DCHS2: variants seen among roughly 807,000 people sequenced by gnomAD.
DCHS2 encodes the protein protocadherin-23.
A neutral mutation model predicts 182.4 loss-of-function variants in DCHS2; 142 were observed. The ratio of observed to expected loss-of-function variants is 0.78; its 90% confidence interval spans 0.68 to 0.89. The LOEUF (loss-of-function observed/expected upper bound fraction) is 0.89. Among genes scored for constraint, DCHS2 ranks in the 40% least tolerant of loss-of-function variants. DCHS2 has a pLI of 0.00. For synonymous variants in DCHS2, 1,740 were observed against 1,663.3 expected (o/e 1.05, Z -1.12); for missense variants, 4,319 against 4,198.6 (o/e 1.03, Z -0.79).
At chr4:154,380,830 T>C (rs1455551712) in intron 1 of DCHS2, among the ~76,000 whole-genome samples, 2 of 152,132 alleles carry the variant, frequency 1.3e-5, no homozygotes, top group Non-Finnish European at 2.9e-5. Context: ...CTTGAATGCC[T>C]AGAATTAATA....
intron 14 of DCHS2, among the ~76,000 whole-genome samples, chr4:154,265,160 AAATC>A (rs1733181114): frequency 6.6e-6 from 1 of 152,316 alleles, no homozygotes; most frequent in South Asian, 2.1e-4. Context: ...GCCAGACAAA[AAATC>A]AAAAGACAAA....
At chr4:154,243,552 C>T (rs1384822820) in intron 16 of DCHS2, among the ~76,000 whole-genome samples, 1 of 152,172 alleles carries the variant, frequency 6.6e-6, no homozygotes, top group East Asian at 1.9e-4. Context: ...CCATTTCACT[C>T]CTACCTTCAG....
intron 2 of DCHS2, among the ~76,000 whole-genome samples, chr4:154,375,305 GA>G (rs1400661382): frequency 5.9e-5 from 9 of 151,940 alleles, no homozygotes; most frequent in Admixed American, 3.3e-4. Flanking sequence ...GCTATAAAAG[GA>G]AGCAAACTGA....
At chr4:154,355,075 T>A (rs192164832) in intron 3 of DCHS2, among the ~76,000 whole-genome samples, 10 of 152,184 alleles carry the variant, frequency 6.6e-5, no homozygotes, top group Admixed American at 6.5e-5. Flanking sequence ...AGTGACTCCA[T>A]CTTGAATAGG....
chr4:154,485,827 T>C (rs1408356662), intron 1 of DCHS2, among the ~76,000 whole-genome samples: 1 of 152,248 alleles, frequency 6.6e-6, no homozygotes, highest in Non-Finnish European at 1.5e-5. Context: ...TAAGATCTGG[T>C]TATAAGATAA....
chr4:154,390,100 T>A (rs1038524995), intron 1 of DCHS2, among the ~76,000 whole-genome samples: 5 of 135,516 alleles, frequency 3.7e-5, no homozygotes, highest in African/African-American at 1.1e-4. Context: ...TTTATTTTTT[T>A]AAATTTTTTT....
chr4:154,461,534 AAG>A (rs1735009129), intron 1 of DCHS2, among the ~76,000 whole-genome samples: 1 of 152,196 alleles, frequency 6.6e-6, no homozygotes. Flanking sequence ...GTAGGAAAGA[AAG>A]AGAAAATATA....
At position 154,377,346 on chromosome 4, in the gene DCHS2, G is replaced by T. The variant is rs752242525; in HGVS notation, c.2151C>A (p.Ile717=). ...CACAGATTTGCCCATCATGAGGGTC[G>T]ATCCGGAATGCCTGAGGTGCTTCAT... ...LSYEAPQAFR[I]DPHDGQICVS... The change falls in exon 2 of 20, where the codon ATC becomes ATA. Residue 717 remains isoleucine, a synonymous_variant. Transcript: ENST00000357232. 4 of 1,613,616 alleles carry T rather than the reference G, an allele frequency of 2.5e-6. No homozygotes were observed. In the South Asian group the frequency reaches 3.3e-5, roughly 13 times the overall value.
intron 1 of DCHS2, among the ~76,000 whole-genome samples, chr4:154,414,451 A>G (rs1732749999): frequency 6.6e-6 from 1 of 151,142 alleles, no homozygotes; most frequent in Non-Finnish European, 1.5e-5. Context: ...AGAGTATAAT[A>G]TAAAGTGAAG....
chr4:154,275,271 A>G (rs926694062), intron 13 of DCHS2, among the ~76,000 whole-genome samples: 2 of 152,170 alleles, frequency 1.3e-5, no homozygotes, highest in Non-Finnish European at 2.9e-5. Context: ...TGTTAAGGAA[A>G]AAGAGCAAGA....
At chr4:154,332,345 T>C (rs913622321) in intron 5 of DCHS2, 133 bp downstream of exon 5, 11 of 708,610 alleles carry the variant, frequency 1.6e-5, no homozygotes, top group Non-Finnish European at 6.8e-6. Flanking sequence ...TATGCACTAA[T>C]GCTATACCTA....
chr4:154,350,863 G>T (rs1353972372), intron 3 of DCHS2, among the ~76,000 whole-genome samples: 1 of 152,098 alleles, frequency 6.6e-6, no homozygotes, highest in Non-Finnish European at 1.5e-5. Context: ...AACAGCAATA[G>T]GTTAGTGTCC....
At chr4:154,401,117 A>G (rs1410155316) in intron 1 of DCHS2, among the ~76,000 whole-genome samples, 1 of 152,202 alleles carries the variant, frequency 6.6e-6, no homozygotes. Flanking sequence ...ATCACCATAG[A>G]TTAATTTTGC....
At position 154,489,904 on chromosome 4, in the gene DCHS2, G is replaced by A. The variant is rs770299875; in HGVS notation, c.1452C>T (p.Gly484=). 7.1e-6 allele frequency: 11 copies of A among 1,539,104 alleles called. No individual in the cohort carries two copies. The highest frequency in any genetic ancestry group is 9.7e-6 in the Non-Finnish European group (11 of 1,139,350). Reference sequence around the variant, plus strand: ...CGCAAAGGAAAAATACCCCTGGGGGGCCGCCGGGTAGCAACGCGAAGTCTC... The same window carrying A: ...CGCAAAGGAAAAATACCCCTGGGGGACCGCCGGGTAGCAACGCGAAGTCTC... The part of the protein sequence containing the change: ...GEGDFALLPG[G]PPGVFFLCVE... The change falls in exon 1 of 20, where the codon GGC becomes GGT. Residue 484 remains glycine (G), a synonymous_variant. Coordinates refer to ENST00000357232, the MANE Select transcript of DCHS2 (RefSeq NM_001358235.2).
chr4:154,442,184 A>C (rs2110957904), intron 1 of DCHS2, among the ~76,000 whole-genome samples: 1 of 151,796 alleles, frequency 6.6e-6, no homozygotes, highest in South Asian at 2.1e-4. Flanking sequence ...ATCCTTCCTA[A>C]CTCATGGTGC....
chr4:154,307,794 C>T (rs1389107478), intron 10 of DCHS2, among the ~76,000 whole-genome samples: 1 of 152,070 alleles, frequency 6.6e-6, no homozygotes, highest in East Asian at 1.9e-4. Flanking sequence ...CCATAATCAC[C>T]CCTCTTCCAT....
chr4:154,251,431 G>C (rs868222614), intron 16 of DCHS2, among the ~76,000 whole-genome samples: 1 of 151,940 alleles, frequency 6.6e-6, no homozygotes, highest in African/African-American at 2.4e-5. Flanking sequence ...AATTCAATTA[G>C]ATAATAAATG....
chr4:154,400,794 T>A (rs1019772520), intron 1 of DCHS2, among the ~76,000 whole-genome samples: 1 of 152,210 alleles, frequency 6.6e-6, no homozygotes, highest in Non-Finnish European at 1.5e-5. Flanking sequence ...GCTCTTTTTT[T>A]ACCCTGTCCC....
intron 1 of DCHS2, chr4:154,384,541 T>C (rs1233961773): frequency 3.2e-6 from 5 of 1,540,722 alleles, no homozygotes; most frequent in South Asian, 1.2e-5. Context: ...CCTATGACTA[T>C]TCTCTTATTT....
Sources: allele counts gnomAD v4.1 joint callset (sites outside exome capture counted in the v4.1 genomes callset), GRCh38; gene constraint gnomAD v4.1.1; transcripts MANE v1.5; gene names NCBI Gene and HGNC (gene_info 2026-07-23, HGNC 2026-07-21).